Variants in ESR2 observed in about 807,000 individuals in gnomAD.
The protein encoded by ESR2 is estrogen receptor beta.
Under a neutral mutation model 49.6 loss-of-function variants are expected in ESR2, and 36 were observed. The observed-to-expected ratio is 0.73, with a 90% CI of 0.56 to 0.96. The LOEUF (loss-of-function observed/expected upper bound fraction) is 0.96, where lower values mean the gene tolerates loss of function less well. Ranked by LOEUF, ESR2 falls within the 40% of genes least tolerant of loss-of-function variation. The probability of loss-of-function intolerance (pLI) is 0.00; values close to 1 mark genes in which losing one functional copy is unlikely to be tolerated. For synonymous variants in ESR2, 320 were observed against 266.1 expected (o/e 1.20, Z -1.97); for missense variants, 714 against 693.0 (o/e 1.03, Z -0.34).
intron 1 of ESR2, among the ~76,000 whole-genome samples, chr14:64,333,722 G>A (rs1156903589): frequency 1.3e-5 from 2 of 152,006 alleles, no homozygotes; most frequent in Non-Finnish European, 2.9e-5. Flanking sequence ...AGAACAACAG[G>A]GAGGAAACCA....
rs2098725285 is a variant in ESR2 at position 64,229,521 on chromosome 14, G to A, written c.*3616C>T. ...TGGACATTGTGGTGGGAGGTAAGGG[G>A]GTATCACAAGGGGGCCCCATTTAAA... On this transcript the variant is annotated 3_prime_UTR_variant, in exon 9 of 9. Transcript: ENST00000341099. Among the ~76,000 whole-genome samples the A allele has an allele frequency of 6.6e-6, 1 of 152,156 alleles. No homozygotes were observed. The highest frequency in any genetic ancestry group is 6.5e-5 in the Admixed American group (1 of 15,284).
At chr14:64,289,402 C>A (rs112413382) in intron 1 of ESR2, among the ~76,000 whole-genome samples, 75 of 152,188 alleles carry the variant, frequency 4.9e-4, no homozygotes, top group African/African-American at 1.8e-3. Context: ...ATCCCAGCTA[C>A]TCGGGAGGAT....
intron 1 of ESR2, among the ~76,000 whole-genome samples, chr14:64,316,861 A>G (rs943918070): frequency 6.6e-6 from 1 of 152,214 alleles, no homozygotes; most frequent in African/African-American, 2.4e-5. Flanking sequence ...ACATGAATAT[A>G]TACAAAAATC....
At chr14:64,288,885 C>G (rs968884144) in intron 1 of ESR2, among the ~76,000 whole-genome samples, 4 of 149,916 alleles carry the variant, frequency 2.7e-5, no homozygotes, top group African/African-American at 9.8e-5. Flanking sequence ...ACTCAGAAGG[C>G]TGAGGCAGGA....
chr14:64,306,921 G>A (rs1411972332), intron 1 of ESR2, among the ~76,000 whole-genome samples: 1 of 152,072 alleles, frequency 6.6e-6, no homozygotes, highest in Non-Finnish European at 1.5e-5. Context: ...TTCCTTGTAG[G>A]AAGGTTTTAA....
chr14:64,310,282 C>CAAAAAAAAAAAAATAAAAA (rs35325527), intron 1 of ESR2, among the ~76,000 whole-genome samples: 1 of 109,136 alleles, frequency 9.2e-6, no homozygotes, highest in Admixed American at 8.9e-5. Flanking sequence ...GACGTCGTCT[C>CAAAAAAAAAAAAATAAAAA]AAAAAATAAT....
intron 1 of ESR2, among the ~76,000 whole-genome samples, chr14:64,313,208 A>G (rs201266821): frequency 6.6e-6 from 1 of 152,186 alleles, no homozygotes; most frequent in East Asian, 1.9e-4. Context: ...CAACAAAGTT[A>G]TAAGATATGT....
chr14:64,254,141 G>C (rs2140698819), intron 6 of ESR2, among the ~76,000 whole-genome samples: 1 of 152,258 alleles, frequency 6.6e-6, no homozygotes, highest in Non-Finnish European at 1.5e-5. Context: ...TATAGTTTCA[G>C]TATCCACAAA....
intron 6 of ESR2, among the ~76,000 whole-genome samples, chr14:64,252,424 T>C (rs1185580031): frequency 6.6e-6 from 1 of 152,206 alleles, no homozygotes; most frequent in East Asian, 1.9e-4. Flanking sequence ...ACACTATCTG[T>C]CCATAAACTA....
At chr14:64,310,588 C>T (rs1034672024) in intron 1 of ESR2, among the ~76,000 whole-genome samples, 1 of 151,608 alleles carries the variant, frequency 6.6e-6, no homozygotes, top group African/African-American at 2.4e-5. Context: ...TCTCCTGCCT[C>T]TGCCTCCCAA....
chr14:64,273,352 A>G (rs536323510), intron 3 of ESR2, among the ~76,000 whole-genome samples: 26 of 152,194 alleles, frequency 1.7e-4, no homozygotes, highest in African/African-American at 6.3e-4. Context: ...ACTATGTTGA[A>G]TAACAGTGGT....
At chr14:64,298,482 A>T (rs1020875522), upstream of ESR2, 1 of 152,182 alleles carries the variant, frequency 6.6e-6, no homozygotes, top group Admixed American at 6.5e-5. Flanking sequence ...TAGAGCCCAG[A>T]TACTGTTGAA....
At chr14:64,286,645 CTTATTCT>C (rs2076789537) in intron 1 of ESR2, among the ~76,000 whole-genome samples, 1 of 152,070 alleles carries the variant, frequency 6.6e-6, no homozygotes, top group African/African-American at 2.4e-5. Flanking sequence ...TAAACAATTC[CTTATTCT>C]TAACAGAAAA....
chr14:64,262,394 C>G (rs2076241867), intron 4 of ESR2, among the ~76,000 whole-genome samples: 2 of 152,096 alleles, frequency 1.3e-5, no homozygotes, highest in Admixed American at 6.5e-5. Context: ...GGATTACAGG[C>G]ATAAGCCACC....
intron 4 of ESR2, among the ~76,000 whole-genome samples, chr14:64,261,333 G>C (rs2076221077): frequency 6.8e-6 from 1 of 146,562 alleles, no homozygotes; most frequent in African/African-American, 2.5e-5. Flanking sequence ...CGCCTACCGG[G>C]TTCACGCCAT....
chr14:64,313,126 AG>A (rs1230109612), intron 1 of ESR2, among the ~76,000 whole-genome samples: 2 of 152,204 alleles, frequency 1.3e-5, no homozygotes, highest in Non-Finnish European at 2.9e-5. Flanking sequence ...TACCAGACAC[AG>A]GGAGGGACAT....
intron 1 of ESR2, among the ~76,000 whole-genome samples, chr14:64,301,024 A>G (rs144052000): frequency 2.0e-5 from 3 of 152,278 alleles, no homozygotes; most frequent in East Asian, 1.9e-4. Context: ...AAACAATCCA[A>G]TGAGGTGGGT....
Position 64,230,485 on chromosome 14 carries a change from G to A in ESR2, c.*2652C>T, listed in dbSNP as rs2098726136. Among the ~76,000 whole-genome samples the A allele has an allele frequency of 6.6e-6, 1 of 152,090 alleles. No individual in the cohort carries two copies. Among genetic ancestry groups the A allele is most frequent in the Non-Finnish European group, 1.5e-5 (1 of 68,024 alleles). On this transcript the variant is annotated 3_prime_UTR_variant, in exon 9 of 9. Transcript: ENST00000341099. ...CCTTCCAGCTGAGTTAGCAGGGGGA[G>A]TATTCCAGACCAAGACTCGCACTGT...
intron 1 of ESR2, among the ~76,000 whole-genome samples, chr14:64,309,849 G>A (rs538892066): frequency 5.1e-4 from 77 of 152,254 alleles, no homozygotes; most frequent in African/African-American, 1.7e-3. Context: ...CACTTTGGGA[G>A]GCTGAGGCGG....
Sources: allele counts gnomAD v4.1 joint callset (sites outside exome capture counted in the v4.1 genomes callset), GRCh38; gene constraint gnomAD v4.1.1; transcripts MANE v1.5; gene names NCBI Gene and HGNC (gene_info 2026-07-23, HGNC 2026-07-21).